ARMC2: variants seen among roughly 807,000 people sequenced by gnomAD.
The protein encoded by ARMC2 is armadillo repeat-containing protein 2.
A neutral mutation model predicts 90.3 loss-of-function variants in ARMC2; 67 were observed. The observed-to-expected ratio is 0.74, with a 90% CI of 0.61 to 0.91. The LOEUF (loss-of-function observed/expected upper bound fraction) is 0.91. ARMC2 is among the 40% of genes least tolerant of loss of function. The pLI, the probability that ARMC2 is intolerant of heterozygous loss-of-function variation, is 0.00. For synonymous variants in ARMC2, 393 were observed against 393.0 expected, an observed-to-expected ratio of 1.00 and a Z score of 0.00; for missense variants, 920 against 1,030.9, an observed-to-expected ratio of 0.89 and a Z score of 1.47.
At chr6:108,984,670 C>T in the ARMC2 span, among the ~76,000 whole-genome samples, 2 of 152,234 alleles carry the variant, frequency 1.3e-5, no homozygotes, top group South Asian at 2.1e-4. Flanking sequence ...TCTTTTTGAT[C>T]CTATTGTAAA....
At chr6:108,889,042 T>C (rs545882491) in intron 5 of ARMC2, among the ~76,000 whole-genome samples, 1 of 152,344 alleles carries the variant, frequency 6.6e-6, no homozygotes, top group South Asian at 2.1e-4. Context: ...TGGGCACTTA[T>C]CCCCTGCCCT....
intron 10 of ARMC2, among the ~76,000 whole-genome samples, chr6:108,919,907 T>C (rs1774384036): frequency 6.6e-6 from 1 of 152,230 alleles, no homozygotes; most frequent in African/African-American, 2.4e-5. Flanking sequence ...TGGCACCTTT[T>C]TAAACTTTTA....
At chr6:108,881,673 C>T (rs1228353073) in intron 5 of ARMC2, among the ~76,000 whole-genome samples, 1 of 152,102 alleles carries the variant, frequency 6.6e-6, no homozygotes, top group Non-Finnish European at 1.5e-5. Context: ...ATGACACACA[C>T]TCCTGGTTAC....
chr6:108,874,624 C>T (rs369387768), intron 4 of ARMC2, among the ~76,000 whole-genome samples: 4 of 152,220 alleles, frequency 2.6e-5, no homozygotes, highest in Admixed American at 6.5e-5. Flanking sequence ...TACTAGGCCA[C>T]ATCATTTAAA....
the ARMC2 span, among the ~76,000 whole-genome samples, chr6:109,029,950 T>C: frequency 6.6e-6 from 1 of 152,234 alleles, no homozygotes; most frequent in African/African-American, 2.4e-5. Flanking sequence ...GTAAGGTTCT[T>C]AGACATTATT....
intron 5 of ARMC2, among the ~76,000 whole-genome samples, chr6:108,888,261 T>C (rs1212361862): frequency 1.3e-5 from 2 of 152,158 alleles, no homozygotes; most frequent in Admixed American, 6.5e-5. Context: ...ATAGTAAACA[T>C]GTATTAGTTA....
intron 5 of ARMC2, among the ~76,000 whole-genome samples, chr6:108,881,293 C>CT (rs1554239364): frequency 4.1e-4 from 55 of 133,584 alleles, no homozygotes; most frequent in African/African-American, 9.1e-4. Context: ...CTCCCCTCCC[C>CT]TCCCCTTCCT....
At chr6:109,032,216 G>A in the ARMC2 span, among the ~76,000 whole-genome samples, 1 of 152,098 alleles carries the variant, frequency 6.6e-6, no homozygotes, top group African/African-American at 2.4e-5. Flanking sequence ...AGGTTGCGGT[G>A]AGCTGAGATA....
chr6:108,920,963 A>G (rs1392766425), intron 10 of ARMC2, among the ~76,000 whole-genome samples: 1 of 152,118 alleles, frequency 6.6e-6, no homozygotes, highest in Non-Finnish European at 1.5e-5. Context: ...GGTGGAAATG[A>G]GGCTCCTACT....
At chr6:109,048,501 G>C in the ARMC2 span, among the ~76,000 whole-genome samples, 1 of 152,164 alleles carries the variant, frequency 6.6e-6, no homozygotes, top group Non-Finnish European at 1.5e-5. Flanking sequence ...TAGCCTCTCT[G>C]TTTAACACAA....
At chr6:109,041,814 A>T in the ARMC2 span, among the ~76,000 whole-genome samples, 1 of 152,194 alleles carries the variant, frequency 6.6e-6, no homozygotes. Context: ...ATCAGCAAAA[A>T]TGTAGAGGAA....
the ARMC2 span, among the ~76,000 whole-genome samples, chr6:109,024,947 T>G: frequency 6.6e-6 from 1 of 152,218 alleles, no homozygotes; most frequent in Non-Finnish European, 1.5e-5. Context: ...ACTGGCAAAG[T>G]AACAGAAATC....
Position 108,941,083 on chromosome 6 carries a change from TAGACAGACAGAC to T in ARMC2, c.1596+4100_1596+4111del, listed in dbSNP as rs374326514. Among the ~76,000 whole-genome samples, 5 of 152,090 alleles carry T rather than the reference TAGACAGACAGAC, an allele frequency of 3.3e-5. No individual in the cohort carries two copies. The East Asian group carries it at 7.7e-4, about 23-fold the overall frequency. Reference sequence around the variant, plus strand: ...AGCCATTGATCACTAGCTAGCTAGCTAGACAGACAGACAGACAGACAGACAGATATTTTAGAC... The same window carrying T: ...AGCCATTGATCACTAGCTAGCTAGCTAGACAGACAGACAGATATTTTAGAC... On this transcript the variant is annotated intron_variant, in intron 12 of 17. Transcript: ENST00000392644.
chr6:108,875,637 A>T (rs547663822), intron 4 of ARMC2, among the ~76,000 whole-genome samples: 1 of 152,248 alleles, frequency 6.6e-6, no homozygotes, highest in South Asian at 2.1e-4. Context: ...TTATTATCTT[A>T]TAACATGTCG....
At chr6:109,027,886 T>C in the ARMC2 span, among the ~76,000 whole-genome samples, 1 of 152,110 alleles carries the variant, frequency 6.6e-6, no homozygotes, top group South Asian at 2.1e-4. Flanking sequence ...TTGTGAAGTA[T>C]CAGTTCAAAC....
At chr6:109,000,402 C>G in the ARMC2 span, 2 of 1,004,516 alleles carry the variant, frequency 2.0e-6, no homozygotes, top group Non-Finnish European at 2.8e-6. Flanking sequence ...TAGGAACTCT[C>G]TGTACTTTCT....
intron 5 of ARMC2, among the ~76,000 whole-genome samples, chr6:108,881,101 A>G (rs531498872): frequency 1.3e-5 from 2 of 151,084 alleles, no homozygotes; most frequent in South Asian, 2.1e-4. Flanking sequence ...TGATCTGCCC[A>G]CCTCAGCCTC....
At chr6:108,972,770 T>C (rs6908104) in intron 17 of ARMC2, among the ~76,000 whole-genome samples, 26,801 of 151,722 alleles carry the variant, frequency 0.18, 2,689 homozygotes, top group African/African-American at 0.27. Flanking sequence ...CTCAAGTGAT[T>C]CTCCTGACCT....
At chr6:108,853,482 G>GT (rs994119676) in intron 1 of ARMC2, among the ~76,000 whole-genome samples, 17 of 151,144 alleles carry the variant, frequency 1.1e-4, no homozygotes, top group East Asian at 3.9e-4. Context: ...TGGACTTTGA[G>GT]TTTTTTTTTA....
Sources: allele counts gnomAD v4.1 joint callset (sites outside exome capture counted in the v4.1 genomes callset), GRCh38; gene constraint gnomAD v4.1.1; transcripts MANE v1.5; gene names NCBI Gene and HGNC (gene_info 2026-07-23, HGNC 2026-07-21).